The following ARHGAP44 variants were observed in gnomAD, a reference collection of about 807,000 sequenced individuals.
ARHGAP44 encodes the protein Rho GTPase activating protein 44.
Under a neutral mutation model 106.8 loss-of-function variants are expected in ARHGAP44, and 43 were observed. That is an observed-to-expected ratio of 0.40 (90% confidence interval 0.32 to 0.52). ARHGAP44 has a LOEUF of 0.52. Ranked by LOEUF, ARHGAP44 falls within the 20% of genes least tolerant of loss-of-function variation. The probability of loss-of-function intolerance (pLI) is 0.48; values close to 1 mark genes in which losing one functional copy is unlikely to be tolerated. For synonymous variants in ARHGAP44, 439 were observed against 410.3 expected (o/e 1.07, Z -0.85); for missense variants, 866 against 1,050.5 (o/e 0.82, Z 2.43).
chr17:12,827,161 T>G (rs1392831018), intron 1 of ARHGAP44, among the ~76,000 whole-genome samples: 1 of 152,264 alleles, frequency 6.6e-6, no homozygotes, highest in Non-Finnish European at 1.5e-5. Context: ...TCCTTTATTC[T>G]CTTTTAGTGA....
intron 19 of ARHGAP44, chr17:12,982,911 GAGAA>G (rs2039867059): frequency 6.6e-6 from 1 of 152,174 alleles, no homozygotes; most frequent in African/African-American, 2.4e-5. Context: ...GTGGGGTGGG[GAGAA>G]GGAAGAGCTT....
intron 1 of ARHGAP44, among the ~76,000 whole-genome samples, chr17:12,817,291 C>T (rs895039096): frequency 3.3e-5 from 5 of 151,954 alleles, no homozygotes; most frequent in South Asian, 2.1e-4. Flanking sequence ...GCATTAAATG[C>T]TTAATTAGAA....
In ARHGAP44 at chr17:12,812,843, T is replaced by C. The variant is rs113029436; in HGVS notation, c.53+22952T>C. Among the ~76,000 whole-genome samples the C allele has an allele frequency of 4.3e-3, 661 of 152,356 alleles. 6 individuals carry two copies. The highest frequency in any genetic ancestry group is 0.015 in the African/African-American group (633 of 41,590). On this transcript the variant is annotated intron_variant, in intron 1 of 20. Transcript: ENST00000379672. ...CTCTTTTTTTAAACAAGCTACTCTTTGAACTGACCTTACTTTGGCATTTTG... is the reference window on the plus strand; with the variant it reads ...CTCTTTTTTTAAACAAGCTACTCTTCGAACTGACCTTACTTTGGCATTTTG...
At chr17:12,805,892 C>T (rs1173939214) in intron 1 of ARHGAP44, among the ~76,000 whole-genome samples, 1 of 152,140 alleles carries the variant, frequency 6.6e-6, no homozygotes, top group Admixed American at 6.5e-5. Flanking sequence ...CAGAGTTATT[C>T]TGAGTTGGGA....
chr17:12,895,820 C>T (rs534105500), intron 2 of ARHGAP44, among the ~76,000 whole-genome samples: 1 of 152,090 alleles, frequency 6.6e-6, no homozygotes, highest in Non-Finnish European at 1.5e-5. Flanking sequence ...TATTGTGGCA[C>T]TATTCACAAT....
intron 5 of ARHGAP44, 111 bp downstream of exon 5, chr17:12,916,122 A>G (rs528080379): frequency 1.3e-5 from 11 of 852,144 alleles, no homozygotes; most frequent in African/African-American, 8.5e-5. Flanking sequence ...CTTCTCCCCA[A>G]CATTGTTTTT....
chr17:12,796,039 T>A (rs2033907809), intron 1 of ARHGAP44, among the ~76,000 whole-genome samples: 1 of 152,152 alleles, frequency 6.6e-6, no homozygotes, highest in Non-Finnish European at 1.5e-5. Flanking sequence ...ATCATAAACT[T>A]ATGGATGGGC....
chr17:12,976,714 T>G (rs1364973616), intron 18 of ARHGAP44, among the ~76,000 whole-genome samples: 1 of 151,978 alleles, frequency 6.6e-6, no homozygotes, highest in East Asian at 1.9e-4. Context: ...CACCTGACCC[T>G]GGGCATGCTG....
At chr17:12,903,498 G>T (rs947975344) in intron 3 of ARHGAP44, among the ~76,000 whole-genome samples, 16 of 152,180 alleles carry the variant, frequency 1.1e-4, no homozygotes, top group African/African-American at 3.6e-4. Context: ...GGCTTTGTCA[G>T]TGTGGATCCT....
intron 16 of ARHGAP44, among the ~76,000 whole-genome samples, chr17:12,967,147 A>T (rs2039410637): frequency 1.6e-5 from 2 of 127,412 alleles, no homozygotes; most frequent in Non-Finnish European, 3.2e-5. Flanking sequence ...TTTCTCTTTA[A>T]TTTTTGTAAG....
At chr17:12,845,667 C>T (rs2035551052) in intron 1 of ARHGAP44, among the ~76,000 whole-genome samples, 1 of 152,156 alleles carries the variant, frequency 6.6e-6, no homozygotes, top group South Asian at 2.1e-4. Flanking sequence ...TTGGTTCATG[C>T]TTCATCTAAC....
chr17:12,837,846 C>A (rs1484657247), intron 1 of ARHGAP44, among the ~76,000 whole-genome samples: 3 of 151,996 alleles, frequency 2.0e-5, no homozygotes, highest in Admixed American at 6.6e-5. Context: ...GCTAGGTGGG[C>A]CCTGCCTTGT....
At position 12,930,528 on chromosome 17, in the gene ARHGAP44, G is replaced by A. The variant is rs770868030; in HGVS notation, c.582+1482G>A. ...GCTGGGATTACAGGCGTGAGCCACC[G>A]TGCCTGGCCTACCGTCTATTTTTTA... On this transcript the variant is annotated intron_variant, in intron 7 of 20. Transcript: ENST00000379672. Among the ~76,000 whole-genome samples, 15 of 152,184 alleles carry A rather than the reference G, an allele frequency of 9.9e-5. No individual in the cohort carries two copies. The South Asian group carries it at 2.7e-3, about 27-fold the overall frequency.
chr17:12,898,802 A>G (rs2037290194), intron 3 of ARHGAP44, among the ~76,000 whole-genome samples: 2 of 152,194 alleles, frequency 1.3e-5, no homozygotes, highest in South Asian at 4.1e-4. Context: ...GACGTACACT[A>G]TCTGGCTTCT....
chr17:12,865,005 C>T (rs1166541757), intron 1 of ARHGAP44, among the ~76,000 whole-genome samples: 1 of 151,974 alleles, frequency 6.6e-6, no homozygotes. Context: ...ACAAGAGTGC[C>T]TCGAGGAGAA....
chr17:12,919,693 G>T (rs2038019105), intron 5 of ARHGAP44, 62 bp from the exon 6 acceptor site: 3 of 1,490,206 alleles, frequency 2.0e-6, no homozygotes, highest in Admixed American at 4.0e-5. Context: ...GCCAGGAATG[G>T]TTCCTAAAGA....
At chr17:12,905,500 C>T (rs891010002) in intron 3 of ARHGAP44, among the ~76,000 whole-genome samples, 1 of 152,154 alleles carries the variant, frequency 6.6e-6, no homozygotes, top group African/African-American at 2.4e-5. Context: ...TCCAAAAGTC[C>T]GATCAACCTC....
chr17:12,808,510 T>G (rs570056314), intron 1 of ARHGAP44, among the ~76,000 whole-genome samples: 1 of 152,354 alleles, frequency 6.6e-6, no homozygotes, highest in Admixed American at 6.5e-5. Context: ...CAATACCATG[T>G]GGAGGCTGCC....
rs2040095961 is a variant in ARHGAP44 at position 12,990,262 on chromosome 17, C to CAAGCCAGAGA, written c.*91_*92insAAGCCAGAGA. ...AGCGTCCATGAGCTTGCCAAGTGTTCTCTGCTGGCTCTTTCCTGCCACTGC... is the reference window on the plus strand; with the variant it reads ...AGCGTCCATGAGCTTGCCAAGTGTTCAAGCCAGAGATCTGCTGGCTCTTTCCTGCCACTGC... On this transcript the variant is annotated 3_prime_UTR_variant, in exon 21 of 21. Coordinates refer to ENST00000379672, the MANE Select transcript of ARHGAP44 (RefSeq NM_014859.6). 6.8e-7 allele frequency: 1 copy of CAAGCCAGAGA among 1,462,964 alleles called. No individual in the cohort carries two copies. Among genetic ancestry groups the CAAGCCAGAGA allele is most frequent in the South Asian group, 1.3e-5 (1 of 74,222 alleles). The allele number at this position is 1,462,964 out of a possible 1,614,324, so 90.6% of individuals were successfully genotyped here.
Sources: allele counts gnomAD v4.1 joint callset (sites outside exome capture counted in the v4.1 genomes callset), GRCh38; gene constraint gnomAD v4.1.1; transcripts MANE v1.5; gene names NCBI Gene and HGNC (gene_info 2026-07-23, HGNC 2026-07-21).